The following CCDC14 variants were observed in gnomAD, a reference collection of about 807,000 sequenced individuals.
The protein encoded by CCDC14 is coiled-coil domain-containing protein 14.
Under a neutral mutation model 81.4 loss-of-function variants are expected in CCDC14, and 71 were observed. The observed-to-expected ratio is 0.87, with a 90% CI of 0.72 to 1.06. CCDC14 has a LOEUF of 1.06. Among genes scored for constraint, CCDC14 ranks in the 50% least tolerant of loss-of-function variants. The pLI is 0.00. For synonymous variants in CCDC14, 332 were observed against 364.8 expected, an observed-to-expected ratio of 0.91 and a Z score of 1.03; for missense variants, 1,046 against 1,047.3, an observed-to-expected ratio of 1.00 and a Z score of 0.02.
At position 123,955,613 on chromosome 3, in the gene CCDC14, T is replaced by G. The variant is rs950674859; in HGVS notation, c.352+230A>C. ...AATGTCATTCTGAGTTTGAACTTTT[T>G]CTCCTACAAAACCCTGACAGTCTCT... On this transcript the variant is annotated intron_variant, in intron 5 of 12. Coordinates refer to ENST00000409697, the MANE Select transcript of CCDC14 (RefSeq NM_001366335.1). 8.3e-5 allele frequency: 28 copies of G among 337,388 alleles called. 1 individual carries two copies. The highest frequency in any genetic ancestry group is 7.8e-4 in the Admixed American group (17 of 21,782). The allele number at this position is 337,388 out of a possible 1,614,324, so 20.9% of individuals were successfully genotyped here.
At chr3:123,917,678 A>T (rs1216830465) in intron 12 of CCDC14, among the ~76,000 whole-genome samples, 1 of 151,710 alleles carries the variant, frequency 6.6e-6, no homozygotes, top group Non-Finnish European at 1.5e-5. Flanking sequence ...TCAAATTAGC[A>T]TAGTAAAATA....
the CCDC14 span, among the ~76,000 whole-genome samples, chr3:123,891,961 G>T: frequency 6.6e-6 from 1 of 152,158 alleles, no homozygotes; most frequent in Admixed American, 6.5e-5. Context: ...ATGATGGAAG[G>T]CAAGGAGGAG....
At chr3:123,904,241 CAT>C (rs2034248865) in intron 5 of CCDC14, among the ~76,000 whole-genome samples, 1 of 151,886 alleles carries the variant, frequency 6.6e-6, no homozygotes, top group Admixed American at 6.6e-5. Flanking sequence ...AGAAAAGTTA[CAT>C]ATGATCCCAT....
intron 9 of CCDC14, among the ~76,000 whole-genome samples, chr3:123,942,471 G>A (rs989392598): frequency 3.9e-5 from 6 of 151,950 alleles, no homozygotes; most frequent in East Asian, 1.9e-4. Flanking sequence ...ATCTTATATC[G>A]TAGTAGCTAC....
intron 5 of CCDC14, chr3:123,952,793 T>C (rs2037095203): frequency 4.0e-6 from 1 of 249,460 alleles, no homozygotes; most frequent in South Asian, 5.1e-5. Context: ...ATTACTTCAC[T>C]TGGAGACGGT....
chr3:123,905,604 A>C (rs1466141165), intron 5 of CCDC14, among the ~76,000 whole-genome samples: 1 of 152,224 alleles, frequency 6.6e-6, no homozygotes, highest in Non-Finnish European at 1.5e-5. Flanking sequence ...GAAGTAACAG[A>C]GGTCAACACT....
intron 10 of CCDC14, among the ~76,000 whole-genome samples, chr3:123,931,924 A>C (rs963672070): frequency 6.6e-6 from 1 of 152,180 alleles, no homozygotes; most frequent in African/African-American, 2.4e-5. Context: ...TTTCGTGAAA[A>C]CACTTTTACA....
intron 5 of CCDC14, among the ~76,000 whole-genome samples, chr3:123,900,453 A>G (rs566274754): frequency 4.8e-4 from 73 of 152,254 alleles, no homozygotes; most frequent in African/African-American, 1.3e-3. Flanking sequence ...CCTTCCCCCT[A>G]TCTCTCAGCA....
Position 123,947,036 on chromosome 3 carries a change from G to T in CCDC14, c.968C>A (p.Thr323Lys). Residue 323 changes from threonine (T) to lysine (K), a missense_variant, in exon 8 of 13, where the codon ACA (threonine) becomes AAA (lysine). By Grantham distance (78) the Thr-to-Lys change is moderately conservative (BLOSUM62 -1). Coordinates refer to ENST00000409697, the MANE Select transcript of CCDC14 (RefSeq NM_001366335.1). ...HGKETHLDSQ[T>K]HRSPTQSQPA... Reference sequence around the variant, plus strand: ...TTGTGACTGAGTAGGGCTTCGGTGTGTCTGACTGTCCAGATGCGTTTCTTT... The same window carrying T: ...TTGTGACTGAGTAGGGCTTCGGTGTTTCTGACTGTCCAGATGCGTTTCTTT... 6.2e-7 allele frequency: 1 copy of T among 1,613,940 alleles called. No individual in the cohort carries two copies. The highest frequency in any genetic ancestry group is 8.5e-7 in the Non-Finnish European group (1 of 1,179,882).
chr3:123,958,215 G>C (rs915819004), intron 1 of CCDC14: 2 of 151,900 alleles, frequency 1.3e-5, no homozygotes, highest in African/African-American at 2.4e-5. Flanking sequence ...TCGATGTCTT[G>C]GCTGGAATCA....
chr3:123,931,155 C>T lies in CCDC14; in HGVS notation c.1725G>A (p.Gly575=), dbSNP rs2035676502. ...ETAEKENQIL[G]ITLRQRDAEV... ...CAGCATCACGCTGACGTAATGTTAT[C>T]CCCAATATCTGGTTTTCCTTTTCAG... The change falls in exon 12 of 13, where the codon GGG becomes GGA. Residue 575 remains glycine, a synonymous_variant. Coordinates refer to ENST00000409697, the MANE Select transcript of CCDC14 (RefSeq NM_001366335.1). 3.1e-6 allele frequency: 5 copies of T among 1,612,856 alleles called. No individual in the cohort carries two copies. The highest frequency in any genetic ancestry group is 2.5e-6 in the Non-Finnish European group (3 of 1,179,620).
Position 123,947,285 on chromosome 3 carries a change from G to T in CCDC14, c.719C>A (p.Ser240Ter), listed in dbSNP as rs2036696098. 6.2e-7 allele frequency: 1 copy of T among 1,611,850 alleles called. No homozygotes were observed. The highest frequency in any genetic ancestry group is 8.5e-7 in the Non-Finnish European group (1 of 1,178,426). The change falls in exon 8 of 13, where the codon TCA becomes TAA. Residue 240 changes from serine to a stop codon, truncating the protein, a stop_gained. Transcript: ENST00000409697. LOFTEE classifies it high-confidence loss of function. Reference protein sequence around the residue: ...VQTDGNSQFASQGKTVSATCT... With the variant: ...VQTDGNSQFA ...GGTTGCAGAAACTGTTTTACCTTGT[G>T]ATGCAAACTGACTGTTGCCATCAGT... is the stretch of plus-strand genomic sequence containing the variant.
At position 123,913,585 on chromosome 3, in the gene CCDC14, T is replaced by C; in HGVS notation, c.*1194A>G. On this transcript the variant is annotated 3_prime_UTR_variant, in exon 13 of 13. Transcript: ENST00000409697. The stretch of plus-strand genomic sequence containing the variant: ...AATAGTTTAGAATTCACTTAATAAA[T>C]TTTTAGACTTAAATCTCTATCTGGA... The C allele has an allele frequency of 1.0e-6, 1 of 983,396 alleles. No individual in the cohort carries two copies. The highest frequency in any genetic ancestry group is 1.2e-6 in the Non-Finnish European group (1 of 828,450). The allele number at this position is 983,396 out of a possible 1,614,324, so 60.9% of individuals were successfully genotyped here.
chr3:123,948,100 G>A (rs1240263229), intron 7 of CCDC14, among the ~76,000 whole-genome samples: 1 of 152,028 alleles, frequency 6.6e-6, no homozygotes, highest in African/African-American at 2.4e-5. Context: ...TTAAACGATT[G>A]GAAAGAACTC....
At chr3:123,906,712 A>G (rs1489687164) in intron 5 of CCDC14, among the ~76,000 whole-genome samples, 1 of 152,222 alleles carries the variant, frequency 6.6e-6, no homozygotes, top group African/African-American at 2.4e-5. Flanking sequence ...CCTACAAAGC[A>G]ACAAGGATCT....
chr3:123,937,344 T>C (rs2036109493), intron 9 of CCDC14, among the ~76,000 whole-genome samples: 1 of 152,092 alleles, frequency 6.6e-6, no homozygotes, highest in Non-Finnish European at 1.5e-5. Context: ...TTATTAATTT[T>C]GAATTTTAGC....
chr3:123,941,590 T>C (rs2036353250), intron 9 of CCDC14, among the ~76,000 whole-genome samples: 1 of 152,028 alleles, frequency 6.6e-6, no homozygotes, highest in African/African-American at 2.4e-5. Flanking sequence ...AGAAACCTCA[T>C]TCTGCTAAAA....
chr3:123,899,598 T>G (rs1276191883), intron 5 of CCDC14, among the ~76,000 whole-genome samples: 1 of 152,216 alleles, frequency 6.6e-6, no homozygotes, highest in African/African-American at 2.4e-5. Flanking sequence ...TTCCTACCTA[T>G]GCAGATGGCA....
intron 9 of CCDC14, among the ~76,000 whole-genome samples, chr3:123,944,317 T>C (rs1477737124): frequency 6.6e-6 from 1 of 152,110 alleles, no homozygotes; most frequent in Non-Finnish European, 1.5e-5. Flanking sequence ...TTTCAGCCTA[T>C]AAAATATAAG....
Sources: allele counts gnomAD v4.1 joint callset (sites outside exome capture counted in the v4.1 genomes callset), GRCh38; gene constraint gnomAD v4.1.1; transcripts MANE v1.5; gene names NCBI Gene and HGNC (gene_info 2026-07-23, HGNC 2026-07-21).